PRKN: variants seen among roughly 807,000 people sequenced by gnomAD.
The protein encoded by PRKN is parkin RBR E3 ubiquitin protein ligase, also known as E3 ubiquitin-protein ligase parkin.
Under a neutral mutation model 59.5 loss-of-function variants are expected in PRKN, and 56 were observed. The ratio of observed to expected loss-of-function variants is 0.94; its 90% CI spans 0.76 to 1.18. PRKN has a LOEUF of 1.18. Among genes scored for constraint, PRKN ranks in the 50% most tolerant of loss-of-function variants. The probability of loss-of-function intolerance (pLI) is 0.00; values close to 1 mark genes in which losing one functional copy is unlikely to be tolerated. For missense variants in PRKN, 657 were observed against 596.4 expected (o/e 1.10, Z -1.06); for synonymous variants, 250 against 222.1 (o/e 1.13, Z -1.12).
At chr6:162,245,999 A>G (rs976673994) in intron 3 of PRKN, among the ~76,000 whole-genome samples, 7 of 152,116 alleles carry the variant, frequency 4.6e-5, no homozygotes, top group African/African-American at 1.7e-4. Flanking sequence ...GTGATTCTCT[A>G]TCTTCTTTTG....
intron 5 of PRKN, among the ~76,000 whole-genome samples, chr6:161,992,164 C>A (rs1195990290): frequency 6.6e-6 from 1 of 151,974 alleles, no homozygotes; most frequent in Non-Finnish European, 1.5e-5. Context: ...CATGGTGAAA[C>A]CCCATCTCTA....
intron 2 of PRKN, among the ~76,000 whole-genome samples, chr6:162,276,122 G>A (rs1313738307): frequency 6.6e-6 from 1 of 152,132 alleles, no homozygotes; most frequent in Non-Finnish European, 1.5e-5. Flanking sequence ...GGTATGTTTT[G>A]TTCGTTTTTT....
At chr6:161,935,207 T>C (rs902659157) in intron 6 of PRKN, among the ~76,000 whole-genome samples, 3 of 152,242 alleles carry the variant, frequency 2.0e-5, no homozygotes, top group Admixed American at 6.5e-5. Flanking sequence ...AATAAACTCA[T>C]ACTAATTTGT....
intron 6 of PRKN, among the ~76,000 whole-genome samples, chr6:161,801,007 T>C (rs946324020): frequency 6.6e-6 from 1 of 152,058 alleles, no homozygotes; most frequent in Non-Finnish European, 1.5e-5. Flanking sequence ...GCTCCAAAAA[T>C]AGTGGCTTAA....
At chr6:162,527,101 T>C (rs1168677064) in intron 1 of PRKN, among the ~76,000 whole-genome samples, 1 of 152,234 alleles carries the variant, frequency 6.6e-6, no homozygotes, top group Non-Finnish European at 1.5e-5. Context: ...ATACTAAGGC[T>C]TGTTCTCTGC....
In PRKN at chr6:161,497,017, A is replaced by G. The variant is rs1407952733; in HGVS notation, c.1083+51837T>C. On this transcript the variant is annotated intron_variant, in intron 9 of 11. Coordinates refer to ENST00000366898, the MANE Select transcript of PRKN (RefSeq NM_004562.3). This position sits in a 1 kb window ranked among gnomAD's most constrained non-coding sequence, Gnocchi z 4.6. Reference sequence around the variant, plus strand: ...TACGCCACCCGGCTTGTGGCACTTTATAATGGCAGCCCTAGGAGCAAATAC... The same window carrying G: ...TACGCCACCCGGCTTGTGGCACTTTGTAATGGCAGCCCTAGGAGCAAATAC... Among the ~76,000 whole-genome samples the G allele has an allele frequency of 1.3e-5, 2 of 152,198 alleles. No individual in the cohort carries two copies. The highest frequency in any genetic ancestry group is 6.5e-5 in the Admixed American group (1 of 15,280).
At chr6:162,009,762 C>A (rs1461882034) in intron 5 of PRKN, among the ~76,000 whole-genome samples, 2 of 151,572 alleles carry the variant, frequency 1.3e-5, no homozygotes, top group Non-Finnish European at 2.9e-5. Flanking sequence ...ATAGCAAAAC[C>A]CCATCTCTAC....
chr6:161,646,547 G>C (rs1004362032), intron 7 of PRKN, among the ~76,000 whole-genome samples: 39 of 149,722 alleles, frequency 2.6e-4, no homozygotes, highest in African/African-American at 9.5e-4. Context: ...GTGCGTGGCG[G>C]AGGAGGTGGC....
At chr6:161,830,189 A>G (rs1164705030) in intron 6 of PRKN, among the ~76,000 whole-genome samples, 2 of 152,036 alleles carry the variant, frequency 1.3e-5, no homozygotes, top group Non-Finnish European at 2.9e-5. Flanking sequence ...TGGCCCTGGA[A>G]CCAGAGTCTC....
intron 5 of PRKN, among the ~76,000 whole-genome samples, chr6:161,989,442 A>T (rs1441041373): frequency 6.6e-6 from 1 of 152,024 alleles, no homozygotes; most frequent in East Asian, 1.9e-4. Context: ...ACCTGTTGCC[A>T]CTGGCAACTG....
intron 6 of PRKN, among the ~76,000 whole-genome samples, chr6:161,862,090 G>A (rs1245709257): frequency 6.6e-6 from 1 of 151,984 alleles, no homozygotes; most frequent in Non-Finnish European, 1.5e-5. Flanking sequence ...ATTTGTTATT[G>A]GATTTAGGGC....
At chr6:161,917,175 G>A (rs942804941) in intron 6 of PRKN, among the ~76,000 whole-genome samples, 11 of 150,312 alleles carry the variant, frequency 7.3e-5, no homozygotes, top group South Asian at 2.1e-4. Flanking sequence ...ACACGATCTC[G>A]GCTTACTGCA....
At chr6:162,309,222 A>G (rs982862167) in intron 2 of PRKN, among the ~76,000 whole-genome samples, 7 of 152,124 alleles carry the variant, frequency 4.6e-5, no homozygotes. Flanking sequence ...GTGCAGTGGC[A>G]TGATCTCAGC....
chr6:162,104,374 A>G (rs931524882), intron 4 of PRKN, among the ~76,000 whole-genome samples: 1 of 152,212 alleles, frequency 6.6e-6, no homozygotes, highest in Admixed American at 6.5e-5. Context: ...TAACCTTCCA[A>G]TACTAATTAA....
At chr6:162,247,274 C>T (rs1383081109) in intron 3 of PRKN, among the ~76,000 whole-genome samples, 3 of 151,930 alleles carry the variant, frequency 2.0e-5, no homozygotes, top group African/African-American at 4.8e-5. Context: ...AAAAATACAA[C>T]GATTTATCCA....
At position 161,625,460 on chromosome 6, in the gene PRKN, G is replaced by A. The variant is rs1420954895; in HGVS notation, c.872-56044C>T. On this transcript the variant is annotated intron_variant, in intron 7 of 11. Coordinates refer to ENST00000366898, the MANE Select transcript of PRKN (RefSeq NM_004562.3). ...GATGGCATTAGGAGAAATACCTAAC[G>A]TAAACGACGAGTTGATGGGGGCAGC... is the stretch of plus-strand genomic sequence containing the variant. Among the ~76,000 whole-genome samples the A allele has an allele frequency of 5.3e-5, 8 of 152,178 alleles. No homozygotes were observed. In the East Asian group the frequency reaches 1.4e-3, roughly 26 times the overall value.
At chr6:162,372,603 G>C (rs915734760) in intron 2 of PRKN, among the ~76,000 whole-genome samples, 1 of 152,010 alleles carries the variant, frequency 6.6e-6, no homozygotes, top group Non-Finnish European at 1.5e-5. Flanking sequence ...CTAACTATTC[G>C]GTGCTATGCT....
In PRKN at chr6:161,385,529, T is replaced by G. The variant is rs1786202015; in HGVS notation, c.1167+1265A>C. The stretch of plus-strand genomic sequence containing the variant: ...AGGGAGGGTCAGGCGCCTGGATGGC[T>G]TTAGGTTAAGCAATGCTCTTCTTTC... On this transcript the variant is annotated intron_variant, in intron 10 of 11. Coordinates refer to ENST00000366898, the MANE Select transcript of PRKN (RefSeq NM_004562.3). This position sits in a 1 kb window ranked among gnomAD's most constrained non-coding sequence, Gnocchi z 4.9. Among the ~76,000 whole-genome samples the G allele has an allele frequency of 6.6e-6, 1 of 152,178 alleles. No individual in the cohort carries two copies. Among genetic ancestry groups the G allele is most frequent in the Admixed American group, 6.5e-5 (1 of 15,276 alleles).
chr6:161,351,581 T>A (rs567486233), intron 11 of PRKN, among the ~76,000 whole-genome samples: 1 of 152,278 alleles, frequency 6.6e-6, no homozygotes, highest in South Asian at 2.1e-4. Context: ...CGCCTCGGCC[T>A]CCCAAAGTGC....
Sources: allele counts gnomAD v4.1 joint callset (sites outside exome capture counted in the v4.1 genomes callset), GRCh38; gene constraint gnomAD v4.1.1; non-coding constraint Gnocchi (gnomAD v3.1); transcripts MANE v1.5; gene names NCBI Gene and HGNC (gene_info 2026-07-23, HGNC 2026-07-21).